Variants in TOP3B observed in about 807,000 individuals in gnomAD.
TOP3B encodes the protein DNA topoisomerase 3-beta-1.
TOP3B carries 45 observed loss-of-function variants against 93.9 expected under a neutral mutation model. The observed-to-expected ratio is 0.48, with a 90% CI of 0.38 to 0.61. The LOEUF (loss-of-function observed/expected upper bound fraction) is 0.61. TOP3B is among the 20% of genes least tolerant of loss of function. The pLI, the probability that TOP3B is intolerant of heterozygous loss-of-function variation, is 0.00. For missense variants in TOP3B, 750 were observed against 1,156.1 expected (o/e 0.65, Z 5.09); for synonymous variants, 357 against 472.6 (o/e 0.76, Z 3.17).
rs2071122328 is a variant in TOP3B at position 21,960,404 on chromosome 22, C to T, written c.1571G>A (p.Arg524His). The change falls in exon 14 of 18, where the codon CGC becomes CAC. Residue 524 changes from arginine to histidine, a missense_variant. Around this residue, in one of 4 missense-constraint regions of TOP3B, gnomAD observed 737 missense variants for 933.7 expected, o/e 0.79. Coordinates refer to ENST00000357179, the MANE Select transcript of TOP3B (RefSeq NM_001282112.2). ...CCCGCTCTCCACCGTGACATAGTTG[C>T]GCTGGCAGATGTTGTTGATATGCAC... ...IPVHINNICQ[R>H]NYVTVESGRR... 1.2e-6 allele frequency: 2 copies of T among 1,613,718 alleles called. No homozygotes were observed. The highest frequency in any genetic ancestry group is 1.7e-6 in the Non-Finnish European group (2 of 1,179,986).
In TOP3B at chr22:21,959,141, C is replaced by T. The variant is rs760523976; in HGVS notation, c.1896G>A (p.Lys632=). ...SRCGKCHRFM[K]YIQAKPSRLH... is the part of the protein sequence containing the mutation. ...TGTTCCCTGCACCTACCTGGATGTA[C>T]TTCATGAAGCGGTGGCACTTCCCAC... Residue 632 remains lysine (K), a synonymous_variant, in exon 16 of 18, where the codon AAG becomes AAA. Coordinates refer to ENST00000357179, the MANE Select transcript of TOP3B (RefSeq NM_001282112.2). 2 of 1,613,752 alleles carry T rather than the reference C, an allele frequency of 1.2e-6. No homozygotes were observed. Among genetic ancestry groups the T allele is most frequent in the East Asian group, 2.2e-5 (1 of 44,898 alleles).
Position 21,965,333 on chromosome 22 carries a change from G to C in TOP3B, c.895C>G (p.Leu299Val). 2 of 1,609,172 alleles carry C rather than the reference G, an allele frequency of 1.2e-6. No homozygotes were observed. Among genetic ancestry groups the C allele is most frequent in the Non-Finnish European group, 1.7e-6 (2 of 1,177,822 alleles). ...AGCATCTCCACAGTGTTCAGGGCCA[G>C]GGGCCTCTGCTTGGCCTTTTCTTTC... is the stretch of plus-strand genomic sequence containing the variant. ...SRKEKAKQRP[L>V]ALNTVEMLRV... Residue 299 changes from leucine (L) to valine (V), a missense_variant, in exon 9 of 18, where the codon CTG becomes GTG. By Grantham distance (32) the Leu-to-Val change is conservative. Around this residue, in one of 4 missense-constraint regions of TOP3B, gnomAD observed 737 missense variants for 933.7 expected, o/e 0.79. Transcript: ENST00000357179.
chr22:21,972,435 G>T, intron 4 of TOP3B, 177 bp downstream of exon 4: 1 of 567,490 alleles, frequency 1.8e-6, no homozygotes, highest in South Asian at 2.3e-5. Flanking sequence ...CAACTGCCTT[G>T]TGTGTTGGGG....
At position 21,979,177 on chromosome 22, in the gene TOP3B, G is replaced by A. The variant is rs183546070; in HGVS notation, c.-98-3370C>T. Among the ~76,000 whole-genome samples the A allele has an allele frequency of 1.6e-3, 250 of 152,142 alleles. 2 individuals carry two copies. The highest frequency in any genetic ancestry group is 5.9e-3 in the African/African-American group (244 of 41,484). ...GGAGAGGGAGTGGGTCAGGGTTCGAGGGGAGAGATTACAAGGACAGAACCT... is the reference window on the plus strand; with the variant it reads ...GGAGAGGGAGTGGGTCAGGGTTCGAAGGGAGAGATTACAAGGACAGAACCT... On this transcript the variant is annotated intron_variant, in intron 1 of 17. Transcript: ENST00000357179.
In TOP3B at chr22:21,963,623, T is replaced by C. The variant is rs371427865; in HGVS notation, c.1204+300A>G. ...ACCACTGGTACCACCTTAGGCCAGCTGGGAGGTAGGAGGTGTGCTGCCCCC... is the reference window on the plus strand; with the variant it reads ...ACCACTGGTACCACCTTAGGCCAGCCGGGAGGTAGGAGGTGTGCTGCCCCC... On this transcript the variant is annotated intron_variant, in intron 11 of 17. Transcript: ENST00000357179. This position sits in a 1 kb window ranked among gnomAD's most constrained non-coding sequence, Gnocchi z 4.8. The C allele has an allele frequency of 4.8e-6, 2 of 417,402 alleles. No homozygotes were observed. The highest frequency in any genetic ancestry group is 6.7e-4 in the Middle Eastern group (1 of 1,502). The allele number at this position is 417,402 out of a possible 1,614,324, so 25.9% of individuals were successfully genotyped here. A position where few individuals can be genotyped will look rare whatever the true frequency, so the allele number is the denominator to read the frequency against.
chr22:21,960,319 A>G lies in TOP3B; in HGVS notation c.1654+2T>C. 1 of 1,613,340 alleles carries G rather than the reference A, an allele frequency of 6.2e-7. No homozygotes were observed. Among genetic ancestry groups the G allele is most frequent in the South Asian group, 1.1e-5 (1 of 91,082 alleles). ...CCCTGGGGGCAGGACTGAGGAACTC[A>G]CCAATCTTATAGTAGCCGTGCACCA... On this transcript the variant is annotated splice_donor_variant, in intron 14 of 17. Transcript: ENST00000357179. LOFTEE classifies it high-confidence loss of function.
Position 21,959,116 on chromosome 22 carries a change from T to G in TOP3B, c.1905+16A>C. 2 of 1,613,090 alleles carry G rather than the reference T, an allele frequency of 1.2e-6. No individual in the cohort carries two copies. The highest frequency in any genetic ancestry group is 1.7e-6 in the Non-Finnish European group (2 of 1,179,596). On this transcript the variant is annotated intron_variant, in intron 16 of 17. Transcript: ENST00000357179. ...GGGTGAGGCAGCTTGCCTGAGCTAGTGTTCCCTGCACCTACCTGGATGTAC... is the reference window on the plus strand; with the variant it reads ...GGGTGAGGCAGCTTGCCTGAGCTAGGGTTCCCTGCACCTACCTGGATGTAC...
intron 3 of TOP3B, chr22:21,974,063 C>T (rs924222758): frequency 1.3e-5 from 3 of 239,570 alleles, no homozygotes; most frequent in African/African-American, 6.8e-5. Context: ...AATGCCTGCA[C>T]AGGTCAAGCC....
In TOP3B at chr22:21,971,718, T is replaced by C. The variant is rs570054915; in HGVS notation, c.384+159A>G. 3.5e-3 allele frequency: 2,488 copies of C among 714,454 alleles called. 8 individuals are homozygous for C. Among genetic ancestry groups the C allele is most frequent in the Non-Finnish European group, 5.0e-3 (1,960 of 394,216 alleles). The allele number at this position is 714,454 out of a possible 1,614,324, so 44.3% of individuals were successfully genotyped here. ...TAGAGCCTATGCAGTTAAAAGTATC[T>C]GTGGAGTTTCAGAATAAAGGGAGGG... On this transcript the variant is annotated intron_variant, in intron 5 of 17. Coordinates refer to ENST00000357179, the MANE Select transcript of TOP3B (RefSeq NM_001282112.2). The surrounding 1 kb of genome is among the most constrained non-coding windows in gnomAD (Gnocchi z 4.6).
chr22:21,978,178 G>A (rs928538876), intron 1 of TOP3B, among the ~76,000 whole-genome samples: 8 of 152,056 alleles, frequency 5.3e-5, no homozygotes, highest in African/African-American at 1.9e-4. Context: ...TGGGCCCTGG[G>A]TAGCAGTGGT....
chr22:21,962,330 G>C (rs990687480), intron 13 of TOP3B, 99 bp downstream of exon 13: 14 of 1,601,280 alleles, frequency 8.7e-6, no homozygotes, highest in African/African-American at 1.3e-5. Context: ...AGGGGTGCTG[G>C]GCTGGGCACA....
chr22:21,962,232 G>T, intron 13 of TOP3B, 197 bp downstream of exon 13: 1 of 1,525,502 alleles, frequency 6.6e-7, no homozygotes, highest in East Asian at 2.4e-5. Context: ...GCCAGGTCCT[G>T]AATGGAGGCC....
chr22:21,960,752 C>T (rs1020049907), intron 13 of TOP3B: 9 of 357,478 alleles, frequency 2.5e-5, no homozygotes, highest in African/African-American at 4.1e-5. Context: ...GCTTATTCTG[C>T]GCCTGGAAAA....
At chr22:21,964,604 T>C (rs1569147327) in intron 9 of TOP3B, 1 of 480,620 alleles carries the variant, frequency 2.1e-6, no homozygotes. Flanking sequence ...ATGGGGCTCA[T>C]GGCCATGGGG....
At position 21,958,536 on chromosome 22, in the gene TOP3B, C is replaced by G. The variant is rs1411709887; in HGVS notation, c.2063G>C (p.Cys688Ser). The change falls in exon 17 of 18, where the codon TGC becomes TCC. Residue 688 changes from cysteine to serine, a missense_variant. Cys to Ser is a moderately radical substitution (Grantham distance 112). This residue lies in a region of TOP3B where 737 missense variants were observed against 933.7 expected (regional missense o/e 0.79). Transcript: ENST00000357179. ...SGSRGKSYPL[C>S]PYCYNHPPFR... is the part of the protein sequence containing the mutation. ...GGGTGGGTGGTTGTAGCAGTAGGGG[C>G]ACAGCGGGTAGCTCTTGCCCCGAGA... 2 of 1,614,112 alleles carry G rather than the reference C, an allele frequency of 1.2e-6. No individual in the cohort carries two copies. Among genetic ancestry groups the G allele is most frequent in the Non-Finnish European group, 1.7e-6 (2 of 1,180,036 alleles).
rs959379986 is a variant in TOP3B, at chr22:21,963,611, C to T, written c.1204+312G>A. 6 of 397,886 alleles carry T rather than the reference C, an allele frequency of 1.5e-5. No individual in the cohort carries two copies. The highest frequency in any genetic ancestry group is 2.1e-5 in the African/African-American group (1 of 48,350). 24.6% of individuals were successfully genotyped at this position (397,886 alleles called of 1,614,324 possible). ...CCTGGCACTCGGACCACTGGTACCACCTTAGGCCAGCTGGGAGGTAGGAGG... is the reference window on the plus strand; with the variant it reads ...CCTGGCACTCGGACCACTGGTACCATCTTAGGCCAGCTGGGAGGTAGGAGG... On this transcript the variant is annotated intron_variant, in intron 11 of 17. Transcript: ENST00000357179. The surrounding 1 kb of genome is among the most constrained non-coding windows in gnomAD (Gnocchi z 4.8).
chr22:21,972,503 G>C, intron 4 of TOP3B, 109 bp downstream of exon 4: 1 of 801,952 alleles, frequency 1.2e-6, no homozygotes, highest in Non-Finnish European at 1.9e-6. Flanking sequence ...GCTAGCAAAG[G>C]CCCCCCTGTC....
At chr22:21,977,146 T>C (rs544803505) in intron 1 of TOP3B, 1 of 152,016 alleles carries the variant, frequency 6.6e-6, no homozygotes, top group South Asian at 2.1e-4. Flanking sequence ...CACCTGTGGA[T>C]AGAACAGCCA....
In TOP3B at chr22:21,963,564, C is replaced by A; in HGVS notation, c.1204+359G>T. The stretch of plus-strand genomic sequence containing the variant: ...GGCTCCTGTCTCTACCTGCACTGCT[C>A]TCCCTTCCTCATTTGCCTTCTCCTG... On this transcript the variant is annotated intron_variant, in intron 11 of 17. Coordinates refer to ENST00000357179, the MANE Select transcript of TOP3B (RefSeq NM_001282112.2). This position sits in a 1 kb window ranked among gnomAD's most constrained non-coding sequence, Gnocchi z 4.8. 1 of 305,756 alleles carries A rather than the reference C, an allele frequency of 3.3e-6. No homozygotes were observed. Among genetic ancestry groups the A allele is most frequent in the Non-Finnish European group, 6.2e-6 (1 of 161,152 alleles). The allele number at this position is 305,756 out of a possible 1,614,324, so 18.9% of individuals were successfully genotyped here.
Sources: gnomAD v4.1 joint callset for allele counts (sites outside exome capture counted in the v4.1 genomes callset) on GRCh38, gnomAD v4.1.1 for gene constraint, gnomAD v4.1.1 regional missense constraint, Gnocchi (gnomAD v3.1) non-coding constraint, MANE v1.5 for transcripts, NCBI Gene and HGNC (gene_info 2026-07-23, HGNC 2026-07-21) for gene names.